Variants in GRIP1 observed in about 807,000 individuals in gnomAD.
GRIP1 encodes the protein glutamate receptor-interacting protein 1.
In GRIP1, 45 loss-of-function variants were observed where a neutral mutation model predicts 129.9. The observed-to-expected ratio is 0.35, with a 90% CI of 0.27 to 0.44. GRIP1 has a LOEUF of 0.44. Ranked by LOEUF, GRIP1 falls within the 20% of genes least tolerant of loss-of-function variation. The pLI is 1.00. For missense variants in GRIP1, 1,196 were observed against 1,396.8 expected, an observed-to-expected ratio of 0.86 and a Z score of 2.29; for synonymous variants, 530 against 520.8, an observed-to-expected ratio of 1.02 and a Z score of -0.24.
rs185762057 is a variant in GRIP1 at position 67,047,658 on chromosome 12, C to T, written c.58+21392G>A. ...AAATTCTGTAATTGATTACTGATTG[C>T]CATTACCCCATTACCGAAGCACTGC... On this transcript the variant is annotated intron_variant, in intron 1 of 1. Coordinates refer to the GRIP1 transcript ENST00000643019. Among the ~76,000 whole-genome samples, 107 of 152,246 alleles carry T rather than the reference C, an allele frequency of 7.0e-4. 1 individual carries two copies. The highest frequency in any genetic ancestry group is 2.5e-3 in the African/African-American group (105 of 41,548).
chr12:66,455,624 C>G, intron 10 of GRIP1, 60 bp from the exon 11 acceptor site: 1 of 1,505,988 alleles, frequency 6.6e-7, no homozygotes, highest in South Asian at 1.1e-5. Flanking sequence ...GCCCGCCACA[C>G]TTGTCAACCA....
At chr12:66,485,468 A>G (rs1412799296) in intron 7 of GRIP1, among the ~76,000 whole-genome samples, 1 of 151,762 alleles carries the variant, frequency 6.6e-6, no homozygotes, top group South Asian at 2.1e-4. Context: ...ATTTCAAAAT[A>G]TATATTCTAG....
intron 1 of GRIP1, among the ~76,000 whole-genome samples, chr12:66,871,852 A>G (rs779394887): frequency 1.3e-5 from 2 of 152,106 alleles, no homozygotes; most frequent in African/African-American, 2.4e-5. Context: ...TTCTTGACCT[A>G]TATAAATTGG....
chr12:66,481,235 A>G (rs1032335901), intron 7 of GRIP1, among the ~76,000 whole-genome samples: 4 of 145,400 alleles, frequency 2.8e-5, no homozygotes, highest in East Asian at 4.1e-4. Flanking sequence ...TACAAAAAAA[A>G]AAAAACAAAT....
intron 1 of GRIP1, among the ~76,000 whole-genome samples, chr12:67,032,968 C>T (rs989798658): frequency 1.3e-5 from 2 of 151,840 alleles, no homozygotes; most frequent in Admixed American, 6.6e-5. Context: ...TTTTTTCTTA[C>T]TAGTCTTTGA....
At chr12:66,750,514 G>C (rs2037091698) in intron 1 of GRIP1, among the ~76,000 whole-genome samples, 1 of 152,280 alleles carries the variant, frequency 6.6e-6, no homozygotes, top group East Asian at 1.9e-4. Flanking sequence ...TACCTGTCAA[G>C]GGGAGGAGGT....
At chr12:66,999,274 T>A (rs1030079979) in intron 1 of GRIP1, among the ~76,000 whole-genome samples, 2 of 152,146 alleles carry the variant, frequency 1.3e-5, no homozygotes, top group African/African-American at 4.8e-5. Flanking sequence ...AATATCTTAT[T>A]TTATAGCCCA....
chr12:66,368,105 G>A (rs1014423469), intron 23 of GRIP1, among the ~76,000 whole-genome samples: 1 of 152,166 alleles, frequency 6.6e-6, no homozygotes, highest in Non-Finnish European at 1.5e-5. Flanking sequence ...GAAGAGAAGT[G>A]GTAGGAAGGA....
intron 1 of GRIP1, among the ~76,000 whole-genome samples, chr12:66,650,826 C>T (rs1362534175): frequency 6.6e-6 from 1 of 152,144 alleles, no homozygotes; most frequent in Non-Finnish European, 1.5e-5. Context: ...AAAGGTAACA[C>T]ACAGTAGAGT....
rs193004477 is a variant in GRIP1, at chr12:66,828,644, G to T, written c.59-231717C>A. 6.3e-4 allele frequency among the ~76,000 whole-genome samples: 96 copies of T among 152,218 alleles called. 1 individual carries two copies. The highest frequency in any genetic ancestry group is 2.2e-3 in the African/African-American group (93 of 41,538). On this transcript the variant is annotated intron_variant, in intron 1 of 1. Coordinates refer to the GRIP1 transcript ENST00000643019. ...TTTTTCAGTCTTTCTTATAAAGAAA[G>T]TTTTATCTTTCTTTTGCAATAGACA...
At chr12:66,389,157 A>G (rs910086995) in intron 19 of GRIP1, among the ~76,000 whole-genome samples, 1 of 152,192 alleles carries the variant, frequency 6.6e-6, no homozygotes, top group African/African-American at 2.4e-5. Flanking sequence ...CAGGTTGGAG[A>G]GATAAGCTGT....
intron 1 of GRIP1, among the ~76,000 whole-genome samples, chr12:66,763,294 C>T (rs1436474793): frequency 1.3e-5 from 2 of 152,224 alleles, no homozygotes; most frequent in East Asian, 3.9e-4. Flanking sequence ...CCCTTGCAAT[C>T]CATTCTTTCT....
At chr12:66,865,583 CCATCCATCCATG>C (rs2040190274) in intron 1 of GRIP1, among the ~76,000 whole-genome samples, 2 of 150,486 alleles carry the variant, frequency 1.3e-5, no homozygotes, top group East Asian at 3.9e-4. Flanking sequence ...GTTCATTACT[CCATCCATCCATG>C]CATCCATCCA....
intron 1 of GRIP1, among the ~76,000 whole-genome samples, chr12:66,718,766 C>T (rs1011037551): frequency 1.4e-4 from 21 of 152,128 alleles, no homozygotes; most frequent in African/African-American, 4.8e-4. Context: ...GCAGGAGAAT[C>T]GCTTGAAGAT....
At chr12:66,970,372 T>A (rs2089133) in intron 1 of GRIP1, among the ~76,000 whole-genome samples, 1 of 152,074 alleles carries the variant, frequency 6.6e-6, no homozygotes, top group Admixed American at 6.6e-5. Context: ...ATGAGCCATG[T>A]GCCCAGCCTC....
intron 1 of GRIP1, among the ~76,000 whole-genome samples, chr12:66,752,809 C>T (rs1291737150): frequency 6.6e-6 from 1 of 152,046 alleles, no homozygotes; most frequent in Non-Finnish European, 1.5e-5. Context: ...TAATGTGACC[C>T]TTGACTTCAA....
chr12:66,820,934 G>A (rs939499201), intron 1 of GRIP1, among the ~76,000 whole-genome samples: 8 of 152,108 alleles, frequency 5.3e-5, no homozygotes, highest in East Asian at 1.9e-4. Context: ...TGGTGCATAC[G>A]TCATTATACA....
At chr12:66,966,346 C>A (rs115266090) in intron 1 of GRIP1, among the ~76,000 whole-genome samples, 1 of 152,050 alleles carries the variant, frequency 6.6e-6, no homozygotes, top group Admixed American at 6.6e-5. Context: ...ACAAAAATTG[C>A]AAAAATTACA....
chr12:66,922,488 T>C (rs2041229561), intron 1 of GRIP1, among the ~76,000 whole-genome samples: 1 of 152,372 alleles, frequency 6.6e-6, no homozygotes, highest in African/African-American at 2.4e-5. Context: ...GTACAACAGA[T>C]TTCTGAGTAG....
Sources: allele counts gnomAD v4.1 joint callset (sites outside exome capture counted in the v4.1 genomes callset), GRCh38; gene constraint gnomAD v4.1.1; transcripts MANE v1.5; gene names NCBI Gene and HGNC (gene_info 2026-07-23, HGNC 2026-07-21).